UBE2K: variants seen among roughly 807,000 people sequenced by gnomAD.
UBE2K encodes the protein ubiquitin-conjugating enzyme E2 K.
UBE2K carries 6 observed loss-of-function variants against 30.0 expected under a neutral mutation model. The ratio of observed to expected loss-of-function variants is 0.20; its 90% CI spans 0.11 to 0.39. The LOEUF (loss-of-function observed/expected upper bound fraction) is 0.39, where lower values mean the gene tolerates loss of function less well. UBE2K is among the 10% of genes least tolerant of loss of function. UBE2K has a pLI of 1.00. For synonymous variants in UBE2K, 86 were observed against 83.7 expected, an observed-to-expected ratio of 1.03 and a Z score of -0.15; for missense variants, 61 against 241.6, an observed-to-expected ratio of 0.25 and a Z score of 4.96.
intron 1 of UBE2K, among the ~76,000 whole-genome samples, chr4:39,726,532 C>T (rs1443199276): frequency 3.9e-5 from 5 of 127,892 alleles, no homozygotes; most frequent in Non-Finnish European, 8.1e-5. Context: ...CCTCCACTTT[C>T]GGTAGTTATG....
At chr4:39,738,029 G>C (rs1295632535) in intron 2 of UBE2K, among the ~76,000 whole-genome samples, 1 of 152,154 alleles carries the variant, frequency 6.6e-6, no homozygotes, top group Non-Finnish European at 1.5e-5. Flanking sequence ...AGGTGGCTTT[G>C]CTGAACTTGG....
chr4:39,709,839 A>G (rs1433906960), intron 1 of UBE2K, among the ~76,000 whole-genome samples: 2 of 152,040 alleles, frequency 1.3e-5, no homozygotes, highest in Non-Finnish European at 2.9e-5. Context: ...ATATAGAGAT[A>G]ATGGGATTAT....
At chr4:39,741,324 TAA>T (rs1226420015) in intron 2 of UBE2K, among the ~76,000 whole-genome samples, 1 of 152,230 alleles carries the variant, frequency 6.6e-6, no homozygotes, top group Non-Finnish European at 1.5e-5. Flanking sequence ...AATATTTTGA[TAA>T]GATTAGATTT....
intron 1 of UBE2K, among the ~76,000 whole-genome samples, chr4:39,724,662 G>T (rs369392608): frequency 6.6e-6 from 1 of 150,892 alleles, no homozygotes. Context: ...CCAGCTACTT[G>T]GGGGGGCTGA....
chr4:39,765,621 A>G (rs1206284317), intron 4 of UBE2K, among the ~76,000 whole-genome samples: 1 of 151,806 alleles, frequency 6.6e-6, no homozygotes, highest in Non-Finnish European at 1.5e-5. Context: ...GGAGTTCCAG[A>G]CCAGCCTGAC....
At chr4:39,745,572 C>T (rs1322034770) in intron 2 of UBE2K, among the ~76,000 whole-genome samples, 180 bp from the exon 3 acceptor site, 2 of 152,170 alleles carry the variant, frequency 1.3e-5, no homozygotes, top group African/African-American at 4.8e-5. Context: ...ATTCTGTATG[C>T]TTTAAACAAC....
At chr4:39,703,061 T>C (rs769688687) in intron 1 of UBE2K, among the ~76,000 whole-genome samples, 1 of 152,086 alleles carries the variant, frequency 6.6e-6, no homozygotes, top group Non-Finnish European at 1.5e-5. Context: ...TGGCACGATC[T>C]CAGCTCACTG....
chr4:39,742,918 C>T (rs911980183), intron 2 of UBE2K, among the ~76,000 whole-genome samples: 3 of 152,010 alleles, frequency 2.0e-5, no homozygotes, highest in Admixed American at 2.0e-4. Context: ...TTGTGGTGGG[C>T]ACCTGTAAAC....
At chr4:39,716,837 A>C (rs1263226451) in intron 1 of UBE2K, among the ~76,000 whole-genome samples, 2 of 152,014 alleles carry the variant, frequency 1.3e-5, no homozygotes, top group Non-Finnish European at 2.9e-5. Flanking sequence ...GTCTCTACTA[A>C]AATACAAAAA....
chr4:39,737,193 T>C (rs1050114024), intron 1 of UBE2K, among the ~76,000 whole-genome samples: 1 of 152,206 alleles, frequency 6.6e-6, no homozygotes, highest in Non-Finnish European at 1.5e-5. Flanking sequence ...CATTGTATTG[T>C]TGTTCATAGT....
intron 4 of UBE2K, among the ~76,000 whole-genome samples, chr4:39,763,048 C>T (rs1712069190): frequency 2.1e-5 from 3 of 145,600 alleles, no homozygotes; most frequent in Non-Finnish European, 3.0e-5. Flanking sequence ...ACTTCTCGTG[C>T]CCTCATGCCT....
Position 39,729,918 on chromosome 4 carries a change from C to T in UBE2K, c.64-7502C>T, listed in dbSNP as rs1719978842. The stretch of plus-strand genomic sequence containing the variant: ...ACTAATTTCCTCAAGGAAGCTTCCT[C>T]TTACTTTCTAGATTTTCTGTCTGCT... On this transcript the variant is annotated intron_variant, in intron 1 of 6. Transcript: ENST00000261427. Among the ~76,000 whole-genome samples the T allele has an allele frequency of 6.6e-5, 10 of 152,338 alleles. No individual in the cohort carries two copies. In the South Asian group the frequency reaches 2.1e-3, roughly 32 times the overall value.
chr4:39,760,592 A>T (rs1377535614), intron 4 of UBE2K, among the ~76,000 whole-genome samples: 1 of 152,194 alleles, frequency 6.6e-6, no homozygotes, highest in Non-Finnish European at 1.5e-5. Context: ...ATGAACCAGA[A>T]TTTATGGTGA....
At chr4:39,751,701 A>C (rs954390607) in intron 3 of UBE2K, among the ~76,000 whole-genome samples, 1 of 151,802 alleles carries the variant, frequency 6.6e-6, no homozygotes, top group African/African-American at 2.4e-5. Context: ...GGCCACGCGC[A>C]GTGGCTCATG....
At chr4:39,763,470 C>T (rs1471190229) in intron 4 of UBE2K, among the ~76,000 whole-genome samples, 5 of 151,928 alleles carry the variant, frequency 3.3e-5, no homozygotes, top group African/African-American at 4.8e-5. Context: ...AGGCTGGTCT[C>T]GAACTCCCAA....
At chr4:39,718,681 C>T (rs777078562) in intron 1 of UBE2K, among the ~76,000 whole-genome samples, 33 of 152,342 alleles carry the variant, frequency 2.2e-4, no homozygotes, top group African/African-American at 5.1e-4. Flanking sequence ...AGAAATTGAG[C>T]GCAGCGCTGG....
intron 1 of UBE2K, among the ~76,000 whole-genome samples, chr4:39,732,970 C>T (rs560487484): frequency 2.2e-4 from 33 of 149,874 alleles, no homozygotes; most frequent in Non-Finnish European, 3.1e-4. Flanking sequence ...AACATCCTGC[C>T]TGGCCTAGCT....
At chr4:39,764,594 G>A (rs1712192236) in intron 4 of UBE2K, among the ~76,000 whole-genome samples, 1 of 151,870 alleles carries the variant, frequency 6.6e-6, no homozygotes. Context: ...CACCATGCCT[G>A]GCTAATTTTT....
intron 1 of UBE2K, among the ~76,000 whole-genome samples, chr4:39,699,501 A>G (rs1446399466): frequency 6.6e-6 from 1 of 152,228 alleles, no homozygotes; most frequent in East Asian, 1.9e-4. Context: ...ACAGTGCTCT[A>G]GTAATTTGAC....
Sources: gnomAD v4.1 joint callset for allele counts (sites outside exome capture counted in the v4.1 genomes callset) on GRCh38, gnomAD v4.1.1 for gene constraint, MANE v1.5 for transcripts, NCBI Gene and HGNC (gene_info 2026-07-23, HGNC 2026-07-21) for gene names.